ANKRD28: variants seen among roughly 807,000 people sequenced by gnomAD.
ANKRD28 encodes the protein serine/threonine-protein phosphatase 6 regulatory ankyrin repeat subunit A.
A neutral mutation model predicts 126.5 loss-of-function variants in ANKRD28; 44 were observed. The ratio of observed to expected loss-of-function variants is 0.35; its 90% confidence interval spans 0.27 to 0.45. ANKRD28 has a LOEUF of 0.45. Ranked by LOEUF, ANKRD28 falls within the 20% of genes least tolerant of loss-of-function variation. The pLI, the probability that ANKRD28 is intolerant of heterozygous loss-of-function variation, is 1.00. For missense variants in ANKRD28, 1,110 were observed against 1,316.6 expected (o/e 0.84, Z 2.43); for synonymous variants, 442 against 468.5 (o/e 0.94, Z 0.73).
intron 4 of ANKRD28, among the ~76,000 whole-genome samples, chr3:15,742,067 G>A (rs1375221959): frequency 6.6e-6 from 1 of 152,218 alleles, no homozygotes; most frequent in Non-Finnish European, 1.5e-5. Context: ...GGAGTGCAGT[G>A]GCGTGATCTC....
At chr3:15,754,281 A>C (rs917935910) in intron 3 of ANKRD28, among the ~76,000 whole-genome samples, 2 of 152,152 alleles carry the variant, frequency 1.3e-5, no homozygotes, top group African/African-American at 4.8e-5. Flanking sequence ...CCCTTTGTCC[A>C]TCGTATCTTG....
chr3:15,769,324 A>C (rs898203527), intron 2 of ANKRD28, among the ~76,000 whole-genome samples: 1 of 152,240 alleles, frequency 6.6e-6, no homozygotes, highest in Middle Eastern at 3.2e-3. Flanking sequence ...TTTATATATC[A>C]TATTTTACTA....
intron 14 of ANKRD28, among the ~76,000 whole-genome samples, chr3:15,701,538 G>C (rs909977182): frequency 2.6e-5 from 4 of 152,064 alleles, no homozygotes; most frequent in African/African-American, 9.7e-5. Context: ...CAGCTCCTCG[G>C]GAGGCTGAGG....
intron 1 of ANKRD28, among the ~76,000 whole-genome samples, chr3:15,847,153 C>T (rs987236348): frequency 6.6e-6 from 1 of 152,040 alleles, no homozygotes; most frequent in Non-Finnish European, 1.5e-5. Flanking sequence ...ATGTATGCTC[C>T]AAAGTTAGGA....
chr3:15,800,534 C>A (rs2060442519), upstream of ANKRD28, among the ~76,000 whole-genome samples: 1 of 152,072 alleles, frequency 6.6e-6, no homozygotes, highest in Non-Finnish European at 1.5e-5. Flanking sequence ...CTCCTCTTGA[C>A]CCAGTACAAG....
chr3:15,737,293 A>G lies in ANKRD28; in HGVS notation c.352-60T>C, dbSNP rs1700642244. 5 of 1,430,456 alleles carry G rather than the reference A, an allele frequency of 3.5e-6. No individual in the cohort carries two copies. The Admixed American group carries it at 7.9e-5, about 23-fold the overall frequency. 88.6% of individuals were successfully genotyped at this position (1,430,456 alleles called of 1,614,324 possible). A position where few individuals can be genotyped will look rare whatever the true frequency, so the allele number is the denominator to read the frequency against. ...GTTAAGAGTTTGAGAAATTATTTCT[A>G]TATATAGTGTGCGTGTGTGTGTATA... On this transcript the variant is annotated intron_variant, in intron 4 of 27. Coordinates refer to ENST00000683139, the MANE Select transcript of ANKRD28 (RefSeq NM_001349278.2).
At chr3:15,697,809 C>A (rs981479109) in intron 14 of ANKRD28, among the ~76,000 whole-genome samples, 6 of 152,170 alleles carry the variant, frequency 3.9e-5, no homozygotes, top group African/African-American at 1.4e-4. Context: ...AGGAATGGTA[C>A]CAGCTCCTCT....
intron 14 of ANKRD28, among the ~76,000 whole-genome samples, chr3:15,702,418 C>T (rs1261267726): frequency 4.6e-5 from 7 of 152,044 alleles, no homozygotes; most frequent in Non-Finnish European, 7.4e-5. Context: ...TTTTATGAAA[C>T]GCAGACAATT....
At chr3:15,742,761 A>G (rs1470779146) in intron 4 of ANKRD28, among the ~76,000 whole-genome samples, 1 of 128,658 alleles carries the variant, frequency 7.8e-6, no homozygotes, top group Non-Finnish European at 1.6e-5. Flanking sequence ...TGAGGGGGTC[A>G]GCCCCCCGCC....
chr3:15,803,614 TAAAAA>T (rs145887818), intron 1 of ANKRD28, among the ~76,000 whole-genome samples: 1 of 125,272 alleles, frequency 8.0e-6, no homozygotes, highest in African/African-American at 3.0e-5. Flanking sequence ...AGACTCCATT[TAAAAA>T]AAAAAAAAAA....
In ANKRD28 at chr3:15,747,985, T is replaced by C. The variant is rs558573323; in HGVS notation, c.351+3765A>G. On this transcript the variant is annotated intron_variant, in intron 4 of 27. Transcript: ENST00000683139. ...TCCTAACTGCTGTTGCTTTAAGGTC[T>C]GTTTTGTCTGATATAAAAATAGTGA... Among the ~76,000 whole-genome samples, 12 of 152,322 alleles carry C rather than the reference T, an allele frequency of 7.9e-5. No homozygotes were observed. In the East Asian group the frequency reaches 2.3e-3, roughly 29 times the overall value.
chr3:15,709,638 G>C, intron 13 of ANKRD28, 30 bp downstream of exon 13: 3 of 1,455,558 alleles, frequency 2.1e-6, no homozygotes, highest in Non-Finnish European at 2.8e-6. Flanking sequence ...GTAAAAATAG[G>C]CTCCATAAAG....
chr3:15,740,685 T>C (rs1284227659), intron 4 of ANKRD28, among the ~76,000 whole-genome samples: 2 of 152,228 alleles, frequency 1.3e-5, no homozygotes, highest in Non-Finnish European at 2.9e-5. Context: ...TTAAAGCTTC[T>C]GGAAAGTTTG....
At chr3:15,781,075 A>C (rs2059516731) in intron 2 of ANKRD28, among the ~76,000 whole-genome samples, 1 of 152,070 alleles carries the variant, frequency 6.6e-6, no homozygotes, top group African/African-American at 2.4e-5. Context: ...GACTGCATTA[A>C]ATGAAAAAGC....
intron 18 of ANKRD28, 40 bp downstream of exon 18, chr3:15,689,978 GA>G: frequency 6.6e-7 from 1 of 1,505,834 alleles, no homozygotes; most frequent in Non-Finnish European, 9.0e-7. Flanking sequence ...AAAAGTATTG[GA>G]TAGAAGTTAT....
intron 1 of ANKRD28, among the ~76,000 whole-genome samples, chr3:15,857,120 A>G (rs2061790408): frequency 1.3e-5 from 2 of 152,238 alleles, no homozygotes; most frequent in South Asian, 2.1e-4. Context: ...GGCTAATAAA[A>G]CAACATATAA....
chr3:15,781,756 T>A (rs1575657768), intron 2 of ANKRD28: 1 of 152,176 alleles, frequency 6.6e-6, no homozygotes, highest in Non-Finnish European at 1.5e-5. Flanking sequence ...AAATTCTTAA[T>A]GCTGTATACA....
intron 14 of ANKRD28, among the ~76,000 whole-genome samples, chr3:15,706,752 T>C (rs1198458798): frequency 1.3e-5 from 2 of 152,202 alleles, no homozygotes; most frequent in African/African-American, 4.8e-5. Flanking sequence ...CCAGCACCTG[T>C]TGTTTCCTGA....
intron 1 of ANKRD28, chr3:15,859,324 T>A (rs1397240879): frequency 6.6e-7 from 1 of 1,514,678 alleles, no homozygotes; most frequent in Admixed American, 2.1e-5. Flanking sequence ...CGGTCCGCCC[T>A]GCTTCCCTTC....
Sources: gnomAD v4.1 joint callset for allele counts (sites outside exome capture counted in the v4.1 genomes callset) on GRCh38, gnomAD v4.1.1 for gene constraint, MANE v1.5 for transcripts, NCBI Gene and HGNC (gene_info 2026-07-23, HGNC 2026-07-21) for gene names.